ZSCAN4: variants seen among roughly 807,000 people sequenced by gnomAD.
ZSCAN4 encodes zinc finger and SCAN domain containing 4, also known as zinc finger and SCAN domain-containing protein 4.
ZSCAN4 carries 18 observed loss-of-function variants against 18.3 expected under a neutral mutation model. That is an observed-to-expected ratio of 0.98 (90% CI 0.68 to 1.46). The LOEUF (loss-of-function observed/expected upper bound fraction) is 1.46. Ranked by LOEUF, ZSCAN4 falls within the 40% of genes most tolerant of loss-of-function variation. ZSCAN4 has a pLI of 0.00. For synonymous variants in ZSCAN4, 193 were observed against 180.3 expected (o/e 1.07, Z -0.57); for missense variants, 498 against 511.4 (o/e 0.97, Z 0.25).
chr19:57,678,156 A>G lies in ZSCAN4; in HGVS notation c.563-10A>G, dbSNP rs767900857. On this transcript the variant is annotated splice_polypyrimidine_tract_variant and intron_variant, in intron 4 of 4. Coordinates refer to ENST00000318203, the Ensembl canonical transcript of ZSCAN4. ...TTAAGTACAACTTCATTGAGTGTCT[A>G]TTTTCACAGGATATGAAGATGAACA... The G allele has an allele frequency of 1.2e-5, 20 of 1,610,190 alleles. No individual in the cohort carries two copies. Among genetic ancestry groups the G allele is most frequent in the Middle Eastern group, 1.6e-4 (1 of 6,064 alleles).
At chr19:57,665,634 C>T (rs545321712), upstream of ZSCAN4, among the ~76,000 whole-genome samples, 2 of 152,060 alleles carry the variant, frequency 1.3e-5, no homozygotes, top group Non-Finnish European at 1.5e-5. Flanking sequence ...TAAAATTAAT[C>T]CAAGGCCGGG....
chr19:57,673,238 AG>A (rs1477578734), intron 2 of ZSCAN4, among the ~76,000 whole-genome samples: 2 of 151,862 alleles, frequency 1.3e-5, no homozygotes, highest in African/African-American at 2.4e-5. Flanking sequence ...TAGTAGAGAA[AG>A]GGTTTCACCA....
upstream of ZSCAN4, among the ~76,000 whole-genome samples, chr19:57,667,505 G>C (rs1983888646): frequency 6.6e-6 from 1 of 152,200 alleles, no homozygotes; most frequent in Non-Finnish European, 1.5e-5. Flanking sequence ...TTACAGGACT[G>C]TTGTGATGGA....
chr19:57,678,857 T>C (rs1275677105), exon 5 of ZSCAN4: 3 of 1,611,030 alleles, frequency 1.9e-6, no homozygotes, highest in Non-Finnish European at 2.5e-6. Context: ...TGAGGACTCA[T>C]GAGAAAATTA....
At chr19:57,675,859 G>T (rs1984163912) in intron 2 of ZSCAN4, among the ~76,000 whole-genome samples, 182 bp from the exon 3 acceptor site, 1 of 152,168 alleles carries the variant, frequency 6.6e-6, no homozygotes, top group South Asian at 2.1e-4. Flanking sequence ...TTATCAGGAA[G>T]TGCTGACCTC....
intron 2 of ZSCAN4, 24 bp from the exon 3 acceptor site, chr19:57,676,017 T>C: frequency 5.4e-6 from 5 of 918,446 alleles, no homozygotes; most frequent in Non-Finnish European, 7.9e-6. Context: ...TGCAATTAAT[T>C]ACTCATCTCT....
chr19:57,655,034 A>T, the ZSCAN4 span, among the ~76,000 whole-genome samples: 13 of 152,070 alleles, frequency 8.5e-5, no homozygotes, highest in Non-Finnish European at 1.9e-4. Flanking sequence ...ATTCTTGGGG[A>T]TATTAGGTCT....
the ZSCAN4 span, among the ~76,000 whole-genome samples, chr19:57,663,775 C>A: frequency 1.3e-5 from 2 of 150,160 alleles, no homozygotes; most frequent in African/African-American, 4.9e-5. Flanking sequence ...CTCTTCATTG[C>A]ATGCTTTAAA....
At chr19:57,659,472 G>A in the ZSCAN4 span, among the ~76,000 whole-genome samples, 9 of 152,078 alleles carry the variant, frequency 5.9e-5, no homozygotes, top group Non-Finnish European at 1.0e-4. Context: ...CAGCAGCCTC[G>A]AACTCTCAAA....
chr19:57,663,852 C>T, the ZSCAN4 span, among the ~76,000 whole-genome samples: 2 of 151,092 alleles, frequency 1.3e-5, no homozygotes, highest in Non-Finnish European at 3.0e-5. Flanking sequence ...GAAGCCCAGG[C>T]GCTGTGGCTC....
the ZSCAN4 span, among the ~76,000 whole-genome samples, chr19:57,656,426 C>T: frequency 6.6e-6 from 1 of 152,380 alleles, no homozygotes; most frequent in East Asian, 1.9e-4. Flanking sequence ...CCCACATCCA[C>T]AACCACTTCC....
the ZSCAN4 span, among the ~76,000 whole-genome samples, chr19:57,655,843 G>A: frequency 6.6e-6 from 1 of 151,900 alleles, no homozygotes; most frequent in Non-Finnish European, 1.5e-5. Flanking sequence ...ACACCTACAT[G>A]GTTCATTGAT....
intron 2 of ZSCAN4, among the ~76,000 whole-genome samples, chr19:57,673,059 T>C (rs1984071526): frequency 6.6e-6 from 1 of 152,118 alleles, no homozygotes; most frequent in Non-Finnish European, 1.5e-5. Context: ...TATTTATTTA[T>C]TTATTTTGAG....
At chr19:57,667,509 T>G (rs1027764868), upstream of ZSCAN4, among the ~76,000 whole-genome samples, 3 of 152,204 alleles carry the variant, frequency 2.0e-5, no homozygotes, top group Non-Finnish European at 4.4e-5. Context: ...AGGACTGTTG[T>G]GATGGAAATG....
chr19:57,657,936 C>T, the ZSCAN4 span, among the ~76,000 whole-genome samples: 1 of 152,002 alleles, frequency 6.6e-6, no homozygotes, highest in African/African-American at 2.4e-5. Context: ...AGTAATGACC[C>T]AAAAAAGGTC....
At chr19:57,653,256 A>G in the ZSCAN4 span, among the ~76,000 whole-genome samples, 28,292 of 151,976 alleles carry the variant, frequency 0.19, 3,392 homozygotes, top group African/African-American at 0.34. Flanking sequence ...GCATGGTGGT[A>G]CGCCTCTGTA....
At chr19:57,677,985 T>A in exon 4 of ZSCAN4, 1 of 1,602,200 alleles carries the variant, frequency 6.2e-7, no homozygotes, top group Non-Finnish European at 8.5e-7. Context: ...TCATTGTTCA[T>A]CTCACAAAAC....
chr19:57,678,290 G>A, exon 5 of ZSCAN4: 3 of 1,614,138 alleles, frequency 1.9e-6, no homozygotes, highest in Non-Finnish European at 2.5e-6. Flanking sequence ...ACGGTCCTAG[G>A]CCTGAAGAGG....
At chr19:57,673,524 CA>C (rs1276530894) in intron 2 of ZSCAN4, among the ~76,000 whole-genome samples, 1 of 152,032 alleles carries the variant, frequency 6.6e-6, no homozygotes, top group Non-Finnish European at 1.5e-5. Flanking sequence ...CCCAGCTACT[CA>C]AGACGCTAAG....
Sources: allele counts gnomAD v4.1 joint callset (sites outside exome capture counted in the v4.1 genomes callset), GRCh38; gene constraint gnomAD v4.1.1; transcripts MANE v1.5; gene names NCBI Gene and HGNC (gene_info 2026-07-23, HGNC 2026-07-21).